The following ANKRD28 variants were observed in gnomAD, a reference collection of about 807,000 sequenced individuals.
The protein encoded by ANKRD28 is serine/threonine-protein phosphatase 6 regulatory ankyrin repeat subunit A.
A neutral mutation model predicts 126.5 loss-of-function variants in ANKRD28; 44 were observed. The observed-to-expected ratio is 0.35, with a 90% CI of 0.27 to 0.45. ANKRD28 has a LOEUF of 0.45. Among genes scored for constraint, ANKRD28 ranks in the 20% least tolerant of loss-of-function variants. ANKRD28 has a pLI of 1.00. For synonymous variants in ANKRD28, 442 were observed against 468.5 expected (o/e 0.94, Z 0.73); for missense variants, 1,110 against 1,316.6 (o/e 0.84, Z 2.43).
chr3:15,759,371 CA>C (rs1409317470), intron 3 of ANKRD28, among the ~76,000 whole-genome samples: 1 of 152,122 alleles, frequency 6.6e-6, no homozygotes, highest in Non-Finnish European at 1.5e-5. Context: ...CTAAATTTAA[CA>C]GTATTTAAAA....
At chr3:15,688,639 T>C (rs1022103977) in intron 18 of ANKRD28, among the ~76,000 whole-genome samples, 3 of 152,174 alleles carry the variant, frequency 2.0e-5, no homozygotes, top group Non-Finnish European at 4.4e-5. Flanking sequence ...TCTTCTAAAA[T>C]GTAAGCTTCC....
At chr3:15,849,672 A>G (rs2061597149) in intron 1 of ANKRD28, among the ~76,000 whole-genome samples, 1 of 152,076 alleles carries the variant, frequency 6.6e-6, no homozygotes, top group Admixed American at 6.6e-5. Context: ...CTTATCTTCT[A>G]CCTGTTTCAC....
intron 14 of ANKRD28, among the ~76,000 whole-genome samples, chr3:15,703,598 G>C (rs2070933330): frequency 6.6e-6 from 1 of 152,190 alleles, no homozygotes; most frequent in African/African-American, 2.4e-5. Flanking sequence ...TGATATTCTT[G>C]ACTTCTCAGC....
chr3:15,805,460 A>T (rs1394657275), intron 1 of ANKRD28, among the ~76,000 whole-genome samples: 1 of 152,160 alleles, frequency 6.6e-6, no homozygotes, highest in South Asian at 2.1e-4. Flanking sequence ...TTTAGCTAAG[A>T]TATGTGATGA....
intron 3 of ANKRD28, among the ~76,000 whole-genome samples, chr3:15,760,469 C>A (rs1230524568): frequency 6.6e-6 from 1 of 152,126 alleles, no homozygotes; most frequent in Non-Finnish European, 1.5e-5. Context: ...TTCTGTTCTG[C>A]AAAGAGGCAT....
In ANKRD28 at chr3:15,694,898, A is replaced by T. The variant is rs957160070; in HGVS notation, c.1687-85T>A. ...CACCCACCCAGTTCAAATCCACCTT[A>T]GAGTATTATTTGGCAACTCAGCAAA... On this transcript the variant is annotated intron_variant, in intron 16 of 27. Transcript: ENST00000683139. The T allele has an allele frequency of 1.3e-5, 17 of 1,304,682 alleles. No individual in the cohort carries two copies. The Admixed American group carries it at 3.0e-4, about 23-fold the overall frequency. The allele number at this position is 1,304,682 out of a possible 1,614,324, so 80.8% of individuals were successfully genotyped here. A position where few individuals can be genotyped will look rare whatever the true frequency, so the allele number is the denominator to read the frequency against.
intron 1 of ANKRD28, among the ~76,000 whole-genome samples, chr3:15,850,825 G>C (rs1455838906): frequency 2.0e-5 from 3 of 152,222 alleles, no homozygotes; most frequent in Non-Finnish European, 2.9e-5. Flanking sequence ...AACCCAAGGA[G>C]GGGGTCATGG....
chr3:15,815,457 C>A lies in ANKRD28; in HGVS notation c.28-20151G>T, dbSNP rs1229935683. On this transcript the variant is annotated intron_variant, in intron 1 of 27. Coordinates refer to the ANKRD28 transcript ENST00000399451. The surrounding 1 kb of genome is among the most constrained non-coding windows in gnomAD (Gnocchi z 4.1). ...GACCACAGGCATGCATAACCTCACC[C>A]AGTTAATTTTTTAATTTGTTTGTAG... 6.6e-6 allele frequency among the ~76,000 whole-genome samples: 1 copy of A among 152,056 alleles called. No homozygotes were observed. The highest frequency in any genetic ancestry group is 6.6e-5 in the Admixed American group (1 of 15,260).
chr3:15,695,274 T>C, intron 15 of ANKRD28, 60 bp from the exon 16 acceptor site: 1 of 1,224,954 alleles, frequency 8.2e-7, no homozygotes, highest in Non-Finnish European at 1.2e-6. Context: ...ATATTAAGTC[T>C]CAACTTATAT....
chr3:15,713,969 C>G (rs1416857379), intron 9 of ANKRD28, among the ~76,000 whole-genome samples: 2 of 152,170 alleles, frequency 1.3e-5, no homozygotes, highest in African/African-American at 2.4e-5. Flanking sequence ...AATGTGCATA[C>G]TCTGTCATCA....
intron 2 of ANKRD28, among the ~76,000 whole-genome samples, chr3:15,771,641 G>T (rs1008417020): frequency 2.0e-5 from 3 of 152,110 alleles, no homozygotes; most frequent in African/African-American, 7.2e-5. Flanking sequence ...CATTTATAAA[G>T]GATCTGCCCC....
intron 1 of ANKRD28, among the ~76,000 whole-genome samples, chr3:15,848,489 ACAG>A (rs1484647586): frequency 1.3e-5 from 2 of 152,124 alleles, no homozygotes; most frequent in Non-Finnish European, 2.9e-5. Flanking sequence ...AGCCTGGGCA[ACAG>A]AGGGAGACCC....
intron 4 of ANKRD28, among the ~76,000 whole-genome samples, chr3:15,742,423 G>A (rs2057119562): frequency 6.7e-6 from 1 of 149,350 alleles, no homozygotes; most frequent in South Asian, 2.1e-4. Context: ...CCTCTACCTG[G>A]CCGCGACCCC....
At chr3:15,680,368 T>G (rs775619069) in intron 21 of ANKRD28, among the ~76,000 whole-genome samples, 1 of 151,928 alleles carries the variant, frequency 6.6e-6, no homozygotes, top group Non-Finnish European at 1.5e-5. Flanking sequence ...CATGCCCAGC[T>G]AGCTTTTTTC....
chr3:15,748,328 T>C (rs1332967354), intron 4 of ANKRD28, among the ~76,000 whole-genome samples: 2 of 152,200 alleles, frequency 1.3e-5, no homozygotes, highest in Non-Finnish European at 2.9e-5. Flanking sequence ...TTTGGAGTAT[T>C]TCAAGAATTT....
chr3:15,859,035 C>G (rs2126015325), intron 1 of ANKRD28, among the ~76,000 whole-genome samples: 1 of 152,230 alleles, frequency 6.6e-6, no homozygotes, highest in South Asian at 2.1e-4. Flanking sequence ...CGCCCGGCAG[C>G]GGGGAAGCCA....
Position 15,669,580 on chromosome 3 carries a change from A to T in ANKRD28, c.*690T>A, listed in dbSNP as rs2066164842. 6.6e-6 allele frequency: 1 copy of T among 152,200 alleles called. No individual in the cohort carries two copies. The highest frequency in any genetic ancestry group is 6.5e-5 in the Admixed American group (1 of 15,272). 9.4% of individuals were successfully genotyped at this position (152,200 alleles called of 1,614,324 possible). ...TAATTCTAATAGTATAAAAATTGGAAATTTGAAATAGTTCTGTAAAAGAAA... is the reference window on the plus strand; with the variant it reads ...TAATTCTAATAGTATAAAAATTGGATATTTGAAATAGTTCTGTAAAAGAAA... On this transcript the variant is annotated 3_prime_UTR_variant, in exon 28 of 28. Coordinates refer to ENST00000683139, the MANE Select transcript of ANKRD28 (RefSeq NM_001349278.2).
intron 12 of ANKRD28, among the ~76,000 whole-genome samples, chr3:15,710,523 C>G (rs144789915): frequency 6.6e-6 from 1 of 152,296 alleles, no homozygotes; most frequent in East Asian, 1.9e-4. Flanking sequence ...ACTCTTGGTT[C>G]AACGTACTCG....
At chr3:15,685,741 G>A (rs1233578781) in intron 20 of ANKRD28, among the ~76,000 whole-genome samples, 1 of 152,164 alleles carries the variant, frequency 6.6e-6, no homozygotes, top group Non-Finnish European at 1.5e-5. Flanking sequence ...GAAAATAAGT[G>A]AGATAATGGA....
Sources: allele counts gnomAD v4.1 joint callset (sites outside exome capture counted in the v4.1 genomes callset), GRCh38; gene constraint gnomAD v4.1.1; non-coding constraint Gnocchi (gnomAD v3.1); transcripts MANE v1.5; gene names NCBI Gene and HGNC (gene_info 2026-07-23, HGNC 2026-07-21).